Variants in MAGEE2 observed in about 807,000 individuals in gnomAD.
MAGEE2 encodes melanoma-associated antigen E2.
For synonymous variants in MAGEE2, 189 were observed against 155.4 expected, an observed-to-expected ratio of 1.22 and a Z score of -1.61; for missense variants, 508 against 391.1, an observed-to-expected ratio of 1.30 and a Z score of -2.52.
rs373056677 is a variant in MAGEE2 at position 75,783,959 on chromosome X, C to T, written c.1093G>A (p.Gly365Arg). ...GTATCAACCTCAATCAGAGACAACC[C>T]ATAGAACATATCAAGAATTAGAGTA... ...RATLILDMFY[G>R]LSLIEVDTSE... is the part of the protein sequence containing the mutation. The change falls in exon 1 of 1, where the codon GGG becomes AGG. Residue 365 changes from glycine (G) to arginine (R), a missense_variant. Transcript: ENST00000373359. 31 of 1,209,549 alleles carry T rather than the reference C, an allele frequency of 2.6e-5. No homozygotes were observed. Among genetic ancestry groups the T allele is most frequent in the Admixed American group, 4.4e-5 (2 of 45,812 alleles).
Position 75,784,222 on chromosome X carries a change from T to C in MAGEE2, c.830A>G (p.Glu277Gly). Residue 277 changes from glutamate to glycine, a missense_variant, in exon 1 of 1, where the codon GAA becomes GGA. Transcript: ENST00000373359. ...ATATTCTTCTGGCCAGCTCCAGGGT[T>C]CTTCATCATGGGCATCTGACACAAA... ...LKFVSDAHDE[E>G]PWSWPEEYNK... 8.3e-7 allele frequency: 1 copy of C among 1,211,868 alleles called. No homozygotes were observed.
Position 75,783,297 on chromosome X carries a change from A to G in MAGEE2, c.*183T>C. 2.2e-6 allele frequency: 1 copy of G among 458,419 alleles called. No individual in the cohort carries two copies. Among genetic ancestry groups the G allele is most frequent in the Admixed American group, 4.5e-5 (1 of 22,174 alleles). The allele number at this position is 458,419 out of a possible 1,213,427, so 37.8% of individuals were successfully genotyped here. On this transcript the variant is annotated 3_prime_UTR_variant, in exon 1 of 1. Transcript: ENST00000373359. ...TTCCATTTATAAATATTGGTCATTA[A>G]CCTAATCCAAGAGTATATTAAAAGG...
Position 75,783,359 on chromosome X carries a change from G to A in MAGEE2, c.*121C>T, listed in dbSNP as rs1036990911. ...ACTAGAATTGGAACACAGACAGCAA[G>A]CACAATTTGTACTTCCCACACAAGC... is the stretch of plus-strand genomic sequence containing the variant. On this transcript the variant is annotated 3_prime_UTR_variant, in exon 1 of 1. Transcript: ENST00000373359. 3.7e-6 allele frequency: 3 copies of A among 804,299 alleles called. No individual in the cohort carries two copies. The highest frequency in any genetic ancestry group is 3.2e-5 in the East Asian group (1 of 31,086). 66.3% of individuals were successfully genotyped at this position (804,299 alleles called of 1,213,427 possible). A position where few individuals can be genotyped will look rare whatever the true frequency, so the allele number is the denominator to read the frequency against.
Position 75,784,146 on chromosome X carries a change from G to A in MAGEE2, c.906C>T (p.Gly302=). ...TAGTGTCCTCCGACCAGAACTCTAAGCCAGCAGTCAGGCTTCTTTCTTTGG... is the reference window on the plus strand; with the variant it reads ...TAGTGTCCTCCGACCAGAACTCTAAACCAGCAGTCAGGCTTCTTTCTTTGG... ...DKTKERSLTA[G]LEFWSEDTMN... Residue 302 remains glycine, a synonymous_variant, in exon 1 of 1, where the codon GGC becomes GGT. Transcript: ENST00000373359. 10 of 1,211,623 alleles carry A rather than the reference G, an allele frequency of 8.3e-6. No homozygotes were observed. The highest frequency in any genetic ancestry group is 1.1e-5 in the Non-Finnish European group (10 of 895,532).
In MAGEE2 at chrX:75,784,121, T is replaced by C; in HGVS notation, c.931A>G (p.Met311Val). ...AGLEFWSEDT[M>V]NDKANDLVQL... The stretch of plus-strand genomic sequence containing the variant: ...ACCAAATCATTTGCCTTATCATTCA[T>C]AGTGTCCTCCGACCAGAACTCTAAG... The change falls in exon 1 of 1, where the codon ATG (methionine) becomes GTG (valine). Residue 311 changes from methionine (M) to valine (V), a missense_variant. Transcript: ENST00000373359. The C allele has an allele frequency of 8.3e-7, 1 of 1,211,835 alleles. No individual in the cohort carries two copies. Among genetic ancestry groups the C allele is most frequent in the Non-Finnish European group, 1.1e-6 (1 of 895,605 alleles).
Position 75,783,802 on chromosome X carries a change from CG to C in MAGEE2, c.1249del (p.Arg417ValfsTer18). The C allele has an allele frequency of 3.3e-6, 4 of 1,211,752 alleles. No homozygotes were observed. Among genetic ancestry groups the C allele is most frequent in the Non-Finnish European group, 4.5e-6 (4 of 895,473 alleles). ...GTTCCAGACATTGGCCTCTTTGACA[CG>C]GTTGCCCATCAGGAAGATCAAACCT... Reference protein sequence around the residue: ...ILGLIFLMGNRVKEANVWNLL... With the variant: ...ILGLIFLMGNXVKEANVWNLL... On this transcript the variant is annotated frameshift_variant, in exon 1 of 1. Transcript: ENST00000373359. LOFTEE classifies it low-confidence loss of function (END_TRUNC).
Position 75,784,158 on chromosome X carries a change from G to T in MAGEE2, c.894C>A (p.Ser298Arg), listed in dbSNP as rs912955298. 1.7e-6 allele frequency: 2 copies of T among 1,211,575 alleles called. No homozygotes were observed. The highest frequency in any genetic ancestry group is 3.5e-5 in the African/African-American group (2 of 57,722). The change falls in exon 1 of 1, where the codon AGC becomes AGA. Residue 298 changes from serine to arginine, a missense_variant. Transcript: ENST00000373359. ...ACCAGAACTCTAAGCCAGCAGTCAG[G>T]CTTCTTTCTTTGGTTTTGTCACCTT... The part of the protein sequence containing the change: ...ALEGDKTKER[S>R]LTAGLEFWSE...
rs765451551 is a variant in MAGEE2 at position 75,783,440 on chromosome X, C to G, written c.*40G>C. 1 of 1,157,043 alleles carries G rather than the reference C, an allele frequency of 8.6e-7. No individual in the cohort carries two copies. ...GCCTATTTTACCAAGGCATCTTTAA[C>G]TTATGCCACTCAGCTGAAGTGATAC... On this transcript the variant is annotated 3_prime_UTR_variant, in exon 1 of 1. Transcript: ENST00000373359.
rs1196996499 is a variant in MAGEE2, at chrX:75,783,862, C to T, written c.1190G>A (p.Gly397Glu). The stretch of plus-strand genomic sequence containing the variant: ...CATTACATATTCTTGAGTGGGTCTC[C>T]CCAGGCTCTCTAGCATCACTTGCTC... ...EEEQVMLESL[G>E]RPTQEYVMPI... Residue 397 changes from glycine to glutamate, a missense_variant, in exon 1 of 1, where the codon GGG (glycine) becomes GAG (glutamate). Transcript: ENST00000373359. 3 of 1,211,763 alleles carry T rather than the reference C, an allele frequency of 2.5e-6. No homozygotes were observed. The highest frequency in any genetic ancestry group is 2.2e-6 in the Non-Finnish European group (2 of 895,492).
In MAGEE2 at chrX:75,783,949, A is replaced by G; in HGVS notation, c.1103T>C (p.Leu368Pro). 1.7e-6 allele frequency: 2 copies of G among 1,211,581 alleles called. No homozygotes were observed. Among genetic ancestry groups the G allele is most frequent in the Non-Finnish European group, 2.2e-6 (2 of 895,537 alleles). Residue 368 changes from leucine (L) to proline (P), a missense_variant, in exon 1 of 1, where the codon CTG becomes CCG. Transcript: ENST00000373359. ...LILDMFYGLSLIEVDTSEHIY... is the reference protein window; with the variant it reads ...LILDMFYGLSPIEVDTSEHIY... ...GTGCTCACTGGTATCAACCTCAATCAGAGACAACCCATAGAACATATCAAG... is the reference window on the plus strand; with the variant it reads ...GTGCTCACTGGTATCAACCTCAATCGGAGACAACCCATAGAACATATCAAG...
chrX:75,783,513 C>T lies in MAGEE2; in HGVS notation c.1539G>A (p.Glu513=), dbSNP rs769949151. The part of the protein sequence containing the change: ...VEDEEARAKS[E]ATIMFFLDPT ...GGTCAAGGAAAAACATGATAGTTGC[C>T]TCAGATTTGGCTCTGGCCTCCTCAT... is the stretch of plus-strand genomic sequence containing the variant. The change falls in exon 1 of 1, where the codon GAG becomes GAA. Residue 513 remains glutamate, a synonymous_variant. Coordinates refer to ENST00000373359, the MANE Select transcript of MAGEE2 (RefSeq NM_138703.5). The T allele has an allele frequency of 6.6e-6, 8 of 1,206,318 alleles. No individual in the cohort carries two copies. The Admixed American group carries it at 1.3e-4, about 20-fold the overall frequency.
chrX:75,784,474 C>T lies in MAGEE2; in HGVS notation c.578G>A (p.Arg193Gln). The T allele has an allele frequency of 5.0e-6, 6 of 1,211,984 alleles. No individual in the cohort carries two copies. The highest frequency in any genetic ancestry group is 6.7e-6 in the Non-Finnish European group (6 of 895,559). ...GTCCCAAATGGAGGCCTCTCTTGCT[C>T]GGTTCCCATTCAAGAGGATGTGGCC... ...VLGHILLNGNRAREASIWDLL... is the reference protein window; with the variant it reads ...VLGHILLNGNQAREASIWDLL... The change falls in exon 1 of 1, where the codon CGA (arginine) becomes CAA (glutamine). Residue 193 changes from arginine (R) to glutamine (Q), a missense_variant. By Grantham distance (43) the Arg-to-Gln change is conservative (BLOSUM62 1). Coordinates refer to ENST00000373359, the MANE Select transcript of MAGEE2 (RefSeq NM_138703.5).
Position 75,785,208 on chromosome X carries a change from A to T in MAGEE2, c.-157T>A. On this transcript the variant is annotated 5_prime_UTR_variant, in exon 1 of 1. In the 5' UTR this introduces an upstream ATG that the reference lacks. Coordinates refer to ENST00000373359, the MANE Select transcript of MAGEE2 (RefSeq NM_138703.5). ...GTGTGAAGAGCGATCTTTCTACACA[A>T]GTGCTGGCCAGCAACGACTGCAAGC... 12 of 478,014 alleles carry T rather than the reference A, an allele frequency of 2.5e-5. No homozygotes were observed. Among genetic ancestry groups the T allele is most frequent in the South Asian group, 1.0e-4 (1 of 9,890 alleles). 39.4% of individuals were successfully genotyped at this position (478,014 alleles called of 1,213,427 possible). A position where few individuals can be genotyped will look rare whatever the true frequency, so the allele number is the denominator to read the frequency against.
chrX:75,784,043 G>T lies in MAGEE2; in HGVS notation c.1009C>A (p.Leu337Ile). Residue 337 changes from leucine (L) to isoleucine (I), a missense_variant, in exon 1 of 1, where the codon CTA (leucine) becomes ATA (isoleucine). Transcript: ENST00000373359. The stretch of plus-strand genomic sequence containing the variant: ...AATTCTTTGCCAGTGTGAGCCAATA[G>T]CTCATCCTGATGTATAGGCAGCATC... The part of the protein sequence containing the change: ...EEMLPIHQDE[L>I]LAHTGKEFED... 8.3e-7 allele frequency: 1 copy of T among 1,209,147 alleles called. No homozygotes were observed. Among genetic ancestry groups the T allele is most frequent in the Non-Finnish European group, 1.1e-6 (1 of 895,469 alleles).
Position 75,784,742 on chromosome X carries a change from G to T in MAGEE2, c.310C>A (p.Gln104Lys). ...ALVNFMRMKS[Q>K]TEGSIQQSEM... is the part of the protein sequence containing the mutation. ...GACTGCTGGATAGACCCCTCCGTCT[G>T]GCTTTTCATTCTCATGAAATTCACC... The change falls in exon 1 of 1, where the codon CAG (glutamine) becomes AAG (lysine). Residue 104 changes from glutamine (Q) to lysine (K), a missense_variant. By Grantham distance (53) the Gln-to-Lys change is moderately conservative. Coordinates refer to ENST00000373359, the MANE Select transcript of MAGEE2 (RefSeq NM_138703.5). The T allele has an allele frequency of 1.7e-6, 2 of 1,211,384 alleles. No individual in the cohort carries two copies. Among genetic ancestry groups the T allele is most frequent in the Non-Finnish European group, 2.2e-6 (2 of 895,378 alleles).
At position 75,783,503 on chromosome X, in the gene MAGEE2, T is replaced by A. The variant is rs369188603; in HGVS notation, c.1549A>T (p.Met517Leu). ...EARAKSEATI[M>L]FFLDPT ...CTTCACGTGGGGTCAAGGAAAAACA[T>A]GATAGTTGCCTCAGATTTGGCTCTG... The change falls in exon 1 of 1, where the codon ATG (methionine) becomes TTG (leucine). Residue 517 changes from methionine to leucine, a missense_variant. Coordinates refer to ENST00000373359, the MANE Select transcript of MAGEE2 (RefSeq NM_138703.5). 3.3e-6 allele frequency: 4 copies of A among 1,205,811 alleles called. No individual in the cohort carries two copies. The highest frequency in any genetic ancestry group is 3.5e-5 in the African/African-American group (2 of 56,903).
In MAGEE2 at chrX:75,783,169, G is replaced by T. The variant is rs1457709885; in HGVS notation, c.*311C>A. Reference sequence around the variant, plus strand: ...TCATTGTTATTTAACTCCTGTACCAGACCATTTTACTGATTATTTCAAAGA... The same window carrying T: ...TCATTGTTATTTAACTCCTGTACCATACCATTTTACTGATTATTTCAAAGA... On this transcript the variant is annotated 3_prime_UTR_variant, in exon 1 of 1. Coordinates refer to ENST00000373359, the MANE Select transcript of MAGEE2 (RefSeq NM_138703.5). 3.8e-6 allele frequency: 1 copy of T among 261,105 alleles called. No homozygotes were observed. The highest frequency in any genetic ancestry group is 6.8e-6 in the Non-Finnish European group (1 of 147,920). 21.5% of individuals were successfully genotyped at this position (261,105 alleles called of 1,213,427 possible).
chrX:75,785,058 A>G lies in MAGEE2; in HGVS notation c.-7T>C. ...TCTGGCTTACCAGAGACATGGTTCC[A>G]GGAGACAGGAGCGGGAACGGTGAGA... On this transcript the variant is annotated 5_prime_UTR_variant, in exon 1 of 1. Coordinates refer to ENST00000373359, the MANE Select transcript of MAGEE2 (RefSeq NM_138703.5). The G allele has an allele frequency of 2.7e-6, 3 of 1,121,117 alleles. No homozygotes were observed. In the South Asian group the frequency reaches 7.6e-5, roughly 28 times the overall value. 92.4% of individuals were successfully genotyped at this position (1,121,117 alleles called of 1,213,427 possible).
chrX:75,784,945 G>T lies in MAGEE2; in HGVS notation c.107C>A (p.Thr36Asn). The T allele has an allele frequency of 8.6e-7, 1 of 1,157,909 alleles. No individual in the cohort carries two copies. Among genetic ancestry groups the T allele is most frequent in the Non-Finnish European group, 1.1e-6 (1 of 870,534 alleles). The change falls in exon 1 of 1, where the codon ACC becomes AAC. Residue 36 changes from threonine to asparagine, a missense_variant. Physicochemically the swap from Thr to Asn is moderately conservative, Grantham distance 65. Coordinates refer to ENST00000373359, the MANE Select transcript of MAGEE2 (RefSeq NM_138703.5). ...IQATNASGSP[T>N]SMLVVDAPQC... ...GGGGGCATCAACGACTAGCATGGAGGTGGGGGACCCGGAGGCGTTAGTAGC... is the reference window on the plus strand; with the variant it reads ...GGGGGCATCAACGACTAGCATGGAGTTGGGGGACCCGGAGGCGTTAGTAGC...
Sources: gnomAD v4.1 joint callset for allele counts on GRCh38, gnomAD v4.1.1 for gene constraint, MANE v1.5 for transcripts, NCBI Gene and HGNC (gene_info 2026-07-23, HGNC 2026-07-21) for gene names.